ANKS1B: variants seen among roughly 807,000 people sequenced by gnomAD.
The protein encoded by ANKS1B is ankyrin repeat and sterile alpha motif domain-containing protein 1B.
Under a neutral mutation model 148.3 loss-of-function variants are expected in ANKS1B, and 36 were observed. The observed-to-expected ratio is 0.24, with a 90% CI of 0.19 to 0.32. The LOEUF (loss-of-function observed/expected upper bound fraction) is 0.32, where lower values mean the gene tolerates loss of function less well. Ranked by LOEUF, ANKS1B falls within the 10% of genes least tolerant of loss-of-function variation. The pLI is 1.00. For missense variants in ANKS1B, 1,157 were observed against 1,542.6 expected, an observed-to-expected ratio of 0.75 and a Z score of 4.19; for synonymous variants, 542 against 560.8, an observed-to-expected ratio of 0.97 and a Z score of 0.47.
intron 17 of ANKS1B, among the ~76,000 whole-genome samples, chr12:99,037,138 A>G (rs1015921978): frequency 6.6e-6 from 1 of 152,214 alleles, no homozygotes; most frequent in Non-Finnish European, 1.5e-5. Flanking sequence ...TCTGCAGTTT[A>G]TTTACATATT....
intron 15 of ANKS1B, among the ~76,000 whole-genome samples, chr12:99,125,224 T>C (rs2063986176): frequency 6.6e-6 from 1 of 152,182 alleles, no homozygotes; most frequent in African/African-American, 2.4e-5. Flanking sequence ...AGTTTAAATG[T>C]GGGAAATTTC....
intron 12 of ANKS1B, among the ~76,000 whole-genome samples, chr12:99,340,858 G>A (rs937247638): frequency 3.9e-5 from 6 of 152,000 alleles, no homozygotes; most frequent in African/African-American, 1.2e-4. Flanking sequence ...TTACTTCTGA[G>A]AAATAATAAA....
intron 16 of ANKS1B, among the ~76,000 whole-genome samples, chr12:99,068,101 A>G (rs1324109051): frequency 2.0e-5 from 3 of 152,140 alleles, no homozygotes; most frequent in Non-Finnish European, 4.4e-5. Flanking sequence ...GATATTGTAT[A>G]TCTAGGACAA....
chr12:99,624,966 T>C (rs2098095604), intron 9 of ANKS1B, among the ~76,000 whole-genome samples: 1 of 152,104 alleles, frequency 6.6e-6, no homozygotes, highest in Non-Finnish European at 1.5e-5. Flanking sequence ...CACAGCACTA[T>C]TCACAACACT....
At chr12:99,915,551 T>A (rs2094146811) in intron 1 of ANKS1B, among the ~76,000 whole-genome samples, 2 of 152,096 alleles carry the variant, frequency 1.3e-5, no homozygotes, top group Non-Finnish European at 2.9e-5. Flanking sequence ...ATAACAGGCA[T>A]CAGAGGTGGC....
intron 17 of ANKS1B, among the ~76,000 whole-genome samples, chr12:98,863,176 T>C (rs7963120): frequency 0.12 from 18,740 of 152,254 alleles, 1,416 homozygotes; most frequent in African/African-American, 0.18. Context: ...ATTAAGTTTT[T>C]ACATTCAGTA....
chr12:99,669,725 C>T (rs12230912), intron 8 of ANKS1B, among the ~76,000 whole-genome samples: 21,817 of 152,080 alleles, frequency 0.14, 2,242 homozygotes, highest in East Asian at 0.47. Context: ...ACAAAGATAA[C>T]TTTAGGTTGT....
At chr12:98,760,978 C>T (rs570918184) in intron 25 of ANKS1B, among the ~76,000 whole-genome samples, 90 of 152,342 alleles carry the variant, frequency 5.9e-4, no homozygotes, top group African/African-American at 2.1e-3. Flanking sequence ...ATATTGCCTA[C>T]TACATCCTAG....
rs149925427 is a variant in ANKS1B at position 98,745,261 on chromosome 12, T to G, written c.*478A>C. 3.0e-6 allele frequency: 3 copies of G among 985,804 alleles called. No homozygotes were observed. Among genetic ancestry groups the G allele is most frequent in the Non-Finnish European group, 3.6e-6 (3 of 830,010 alleles). The allele number at this position is 985,804 out of a possible 1,614,324, so 61.1% of individuals were successfully genotyped here. On this transcript the variant is annotated 3_prime_UTR_variant, in exon 27 of 27. Transcript: ENST00000683438. Reference sequence around the variant, plus strand: ...TTTTGCATTAAACGATACTCAATGATAGAATGATTTTACAGATGCTTTGGA... The same window carrying G: ...TTTTGCATTAAACGATACTCAATGAGAGAATGATTTTACAGATGCTTTGGA...
chr12:99,590,895 C>A (rs1489665684), intron 9 of ANKS1B, among the ~76,000 whole-genome samples: 1 of 152,056 alleles, frequency 6.6e-6, no homozygotes, highest in African/African-American at 2.4e-5. Context: ...CAGAGATCAC[C>A]CTGATTTTAC....
intron 8 of ANKS1B, among the ~76,000 whole-genome samples, chr12:99,667,846 T>C (rs2098517134): frequency 6.6e-6 from 1 of 152,228 alleles, no homozygotes; most frequent in South Asian, 2.1e-4. Flanking sequence ...GTAAAATATA[T>C]TAATTGATTT....
At chr12:99,910,829 G>GT (rs1447524542) in intron 1 of ANKS1B, among the ~76,000 whole-genome samples, 4 of 152,080 alleles carry the variant, frequency 2.6e-5, no homozygotes, top group African/African-American at 9.7e-5. Context: ...TCAGCCTGCA[G>GT]TTTATCCACT....
chr12:99,278,561 C>G lies in ANKS1B; in HGVS notation c.1757-31697G>C, dbSNP rs111369855. Among the ~76,000 whole-genome samples the G allele has an allele frequency of 4.3e-3, 655 of 152,234 alleles. 3 individuals are homozygous for G. Among genetic ancestry groups the G allele is most frequent in the African/African-American group, 0.015 (614 of 41,544 alleles). On this transcript the variant is annotated intron_variant, in intron 12 of 26. Coordinates refer to ENST00000683438, the MANE Select transcript of ANKS1B (RefSeq NM_001352186.2). ...GTACCCTCTTCTGCACTTCCTCCCC[C>G]TCTTTGATTCTTACACATCCTTCAA...
chr12:99,744,327 G>A (rs1257339655), intron 8 of ANKS1B, among the ~76,000 whole-genome samples: 2 of 152,154 alleles, frequency 1.3e-5, no homozygotes, highest in East Asian at 1.9e-4. Context: ...AGAATTTGGT[G>A]AGGCACAAAT....
At chr12:99,778,337 C>T (rs2063898532) in intron 6 of ANKS1B, among the ~76,000 whole-genome samples, 1 of 151,792 alleles carries the variant, frequency 6.6e-6, no homozygotes, top group African/African-American at 2.4e-5. Flanking sequence ...GTAAAACCCC[C>T]TCTCTACTAA....
At position 99,757,446 on chromosome 12, in the gene ANKS1B, G is replaced by T. The variant is rs180737139; in HGVS notation, c.1128+15476C>A. On this transcript the variant is annotated intron_variant, in intron 8 of 26. Transcript: ENST00000683438. ...AAATGTAAAAAACATAACAGACGCT[G>T]GCAAGGTTATGGAAAAAAAAGCAAT... Among the ~76,000 whole-genome samples the T allele has an allele frequency of 1.3e-3, 202 of 152,060 alleles. 1 individual carries two copies. Among genetic ancestry groups the T allele is most frequent in the Middle Eastern group, 0.01 (3 of 294 alleles).
intron 22 of ANKS1B, among the ~76,000 whole-genome samples, chr12:98,789,367 A>T (rs2098827058): frequency 6.6e-6 from 1 of 152,060 alleles, no homozygotes; most frequent in Non-Finnish European, 1.5e-5. Context: ...ACCTGAAAAA[A>T]CAACGATAGA....
intron 9 of ANKS1B, among the ~76,000 whole-genome samples, chr12:99,583,077 G>A (rs1009597844): frequency 3.3e-5 from 5 of 152,130 alleles, no homozygotes; most frequent in African/African-American, 1.2e-4. Context: ...CAAACCAAGT[G>A]CTTTAAGATC....
At chr12:99,059,193 C>T (rs2041487135) in intron 16 of ANKS1B, among the ~76,000 whole-genome samples, 2 of 152,110 alleles carry the variant, frequency 1.3e-5, no homozygotes. Flanking sequence ...AGTCTGCTTT[C>T]AATAATAGAG....
Sources: allele counts gnomAD v4.1 joint callset (sites outside exome capture counted in the v4.1 genomes callset), GRCh38; gene constraint gnomAD v4.1.1; transcripts MANE v1.5; gene names NCBI Gene and HGNC (gene_info 2026-07-23, HGNC 2026-07-21).